Variants in CTSB observed in about 807,000 individuals in gnomAD.
CTSB encodes the protein APP secretase.
Under a neutral mutation model 44.3 loss-of-function variants are expected in CTSB, and 57 were observed. That is an observed-to-expected ratio of 1.29 (90% CI 1.04 to 1.60). The LOEUF is 1.60. Ranked by LOEUF, CTSB falls within the 40% of genes most tolerant of loss-of-function variation. The pLI is 0.00. For missense variants in CTSB, 768 were observed against 443.0 expected (o/e 1.73, Z -6.59); for synonymous variants, 320 against 168.0 (o/e 1.91, Z -7.00).
chr8:11,856,016 A>G (rs1381568814), intron 1 of CTSB, among the ~76,000 whole-genome samples: 5 of 152,004 alleles, frequency 3.3e-5, no homozygotes, highest in African/African-American at 4.8e-5. Context: ...TGACAGTGAG[A>G]CTCTGCCTCA....
chr8:11,847,565 A>T, intron 7 of CTSB, 114 bp downstream of exon 7: 1 of 1,186,202 alleles, frequency 8.4e-7, no homozygotes, highest in Non-Finnish European at 1.2e-6. Context: ...CCTCTATCCT[A>T]GAGTTCCGGG....
chr8:11,848,270 G>C lies in CTSB; in HGVS notation c.447-118C>G, dbSNP rs114687032. On this transcript the variant is annotated intron_variant, in intron 5 of 9. Transcript: ENST00000353047. The stretch of plus-strand genomic sequence containing the variant: ...GGACCCACCCCCAGCTGCAGCAAGT[G>C]GTGCGAGCAGACCTCCCAGACCCCA... The C allele has an allele frequency of 2.3e-3, 1,952 of 856,526 alleles. 32 individuals carry two copies. In the African/African-American group the frequency reaches 0.028, roughly 12 times the overall value. 53.1% of individuals were successfully genotyped at this position (856,526 alleles called of 1,614,324 possible).
chr8:11,861,923 C>G (rs536274138), intron 1 of CTSB, among the ~76,000 whole-genome samples: 1 of 152,228 alleles, frequency 6.6e-6, no homozygotes, highest in Non-Finnish European at 1.5e-5. Context: ...AGGCCTAGCT[C>G]TGGGCCGGGC....
chr8:11,864,440 G>C (rs1158837853), intron 1 of CTSB: 2 of 151,554 alleles, frequency 1.3e-5, no homozygotes. Flanking sequence ...GCCGTGAGCC[G>C]TGGTCGCACC....
chr8:11,848,194 C>A, intron 5 of CTSB, 42 bp from the exon 6 acceptor site: 1 of 1,543,406 alleles, frequency 6.5e-7, no homozygotes, highest in Non-Finnish European at 9.0e-7. Context: ...AGAGAAGCAC[C>A]ACCAGCTCTC....
intron 1 of CTSB, among the ~76,000 whole-genome samples, chr8:11,859,767 CAAAAAAAAAA>C (rs36047077): frequency 2.6e-5 from 1 of 38,978 alleles, no homozygotes; most frequent in Non-Finnish European, 3.9e-5. Flanking sequence ...GACTCTGTCT[CAAAAAAAAAA>C]AAAAAAAAAA....
intron 1 of CTSB, among the ~76,000 whole-genome samples, chr8:11,866,808 C>G (rs1017534914): frequency 7.2e-5 from 11 of 152,302 alleles, no homozygotes; most frequent in African/African-American, 1.2e-4. Context: ...TGTAGTGAGC[C>G]GAGATCGCGC....
chr8:11,851,629 C>T (rs1271777942), intron 3 of CTSB, among the ~76,000 whole-genome samples: 1 of 152,190 alleles, frequency 6.6e-6, no homozygotes, highest in South Asian at 2.1e-4. Context: ...CCTGCCTCAA[C>T]CTCTGCCCAG....
At chr8:11,853,555 C>T (rs1183052521) in intron 1 of CTSB, 76 bp from the exon 2 acceptor site, 14 of 1,435,080 alleles carry the variant, frequency 9.8e-6, no homozygotes, top group South Asian at 6.7e-5. Context: ...GGCACCGTCT[C>T]GGGCATCAGT....
At chr8:11,863,779 T>C (rs1816741624) in intron 1 of CTSB, among the ~76,000 whole-genome samples, 1 of 152,140 alleles carries the variant, frequency 6.6e-6, no homozygotes, top group Admixed American at 6.6e-5. Context: ...TCTGGTACTA[T>C]CTAGTGTTGG....
chr8:11,866,573 C>T (rs973528005), intron 1 of CTSB, among the ~76,000 whole-genome samples: 1 of 152,230 alleles, frequency 6.6e-6, no homozygotes, highest in Non-Finnish European at 1.5e-5. Flanking sequence ...TCACCAGCAC[C>T]AGAGCCAACA....
At chr8:11,854,543 C>G (rs1815194144) in intron 1 of CTSB, 1 of 150,106 alleles carries the variant, frequency 6.7e-6, no homozygotes. Context: ...GTCACCCAGT[C>G]TGGGGTACAG....
chr8:11,860,532 G>C (rs971690598), intron 1 of CTSB, among the ~76,000 whole-genome samples: 1 of 152,176 alleles, frequency 6.6e-6, no homozygotes, highest in Non-Finnish European at 1.5e-5. Context: ...GCTGAAGCAG[G>C]ACAATTGCTT....
rs951316378 is a variant in CTSB, at chr8:11,844,142, T to TG, written c.*982dup. 2.0e-5 allele frequency: 3 copies of TG among 152,038 alleles called. No individual in the cohort carries two copies. The highest frequency in any genetic ancestry group is 7.3e-5 in the African/African-American group (3 of 41,378). 9.4% of individuals were successfully genotyped at this position (152,038 alleles called of 1,614,324 possible). Reference sequence around the variant, plus strand: ...TTGACGAGGATGACAGGGAACTAATTGGGGGAGGGATGCCATGGTTGAAAA... The same window carrying TG: ...TTGACGAGGATGACAGGGAACTAATTGGGGGGAGGGATGCCATGGTTGAAAA... On this transcript the variant is annotated 3_prime_UTR_variant, in exon 10 of 10. Coordinates refer to ENST00000353047, the MANE Select transcript of CTSB (RefSeq NM_001908.5).
chr8:11,860,585 T>C (rs555306550), intron 1 of CTSB, among the ~76,000 whole-genome samples: 5 of 152,106 alleles, frequency 3.3e-5, no homozygotes, highest in East Asian at 3.9e-4. Flanking sequence ...GATCGCACCA[T>C]TGCACTCCAC....
intron 1 of CTSB, among the ~76,000 whole-genome samples, chr8:11,859,972 T>C (rs1816153069): frequency 6.6e-6 from 1 of 150,886 alleles, no homozygotes; most frequent in African/African-American, 2.4e-5. Context: ...CTCAGGAAGC[T>C]GAGGCAGGAA....
intron 1 of CTSB, among the ~76,000 whole-genome samples, chr8:11,864,866 T>C (rs1273320161): frequency 6.6e-6 from 1 of 151,384 alleles, no homozygotes; most frequent in Non-Finnish European, 1.5e-5. Context: ...TGAGCTGAGA[T>C]TGTGCCACGG....
Position 11,848,160 on chromosome 8 carries a change from G to GA in CTSB, c.447-9dup. 1 of 1,612,846 alleles carries GA rather than the reference G, an allele frequency of 6.2e-7. No homozygotes were observed. The highest frequency in any genetic ancestry group is 8.5e-7 in the Non-Finnish European group (1 of 1,178,816). ...GGATAGCCACCATTACAGCTGAAAAGACAGCCTCTAATGAAAACCTCTGAG... is the reference window on the plus strand; with the variant it reads ...GGATAGCCACCATTACAGCTGAAAAGAACAGCCTCTAATGAAAACCTCTGAG... On this transcript the variant is annotated splice_polypyrimidine_tract_variant and intron_variant, in intron 5 of 9. Coordinates refer to ENST00000353047, the MANE Select transcript of CTSB (RefSeq NM_001908.5).
At chr8:11,865,093 C>T (rs1292428976) in intron 1 of CTSB, among the ~76,000 whole-genome samples, 1 of 152,204 alleles carries the variant, frequency 6.6e-6, no homozygotes, top group Non-Finnish European at 1.5e-5. Flanking sequence ...GCCTGCCACC[C>T]TGATATCCCA....
Sources: allele counts gnomAD v4.1 joint callset (sites outside exome capture counted in the v4.1 genomes callset), GRCh38; gene constraint gnomAD v4.1.1; transcripts MANE v1.5; gene names NCBI Gene and HGNC (gene_info 2026-07-23, HGNC 2026-07-21).